CCSER2: variants seen among roughly 807,000 people sequenced by gnomAD.
CCSER2 encodes coiled-coil serine rich protein 2, also known as serine-rich coiled-coil domain-containing protein 2.
A neutral mutation model predicts 92.3 loss-of-function variants in CCSER2; 46 were observed. The ratio of observed to expected loss-of-function variants is 0.50; its 90% confidence interval spans 0.39 to 0.64. The LOEUF is 0.64. CCSER2 is among the 30% of genes least tolerant of loss of function. CCSER2 has a pLI of 0.00. For missense variants in CCSER2, 1,244 were observed against 1,238.9 expected (o/e 1.00, Z -0.06); for synonymous variants, 433 against 431.4 (o/e 1.00, Z -0.04).
At chr10:84,415,909 C>T (rs752992790) in intron 3 of CCSER2, among the ~76,000 whole-genome samples, 54 of 152,144 alleles carry the variant, frequency 3.5e-4, no homozygotes, top group Non-Finnish European at 3.1e-4. Flanking sequence ...GCCTGCAGAT[C>T]GATGCTGCTT....
chr10:84,477,573 A>G lies in CCSER2; in HGVS notation c.2236-2A>G. ...ATGTAAAAATTTTGTGTTTTTGTTT[A>G]GGCAACTCAGCATATCTGCCACCAA... On this transcript the variant is annotated splice_acceptor_variant, in intron 8 of 9. Transcript: ENST00000372088. LOFTEE classifies it high-confidence loss of function. The G allele has an allele frequency of 2.5e-6, 4 of 1,595,112 alleles. No individual in the cohort carries two copies. The South Asian group carries it at 3.3e-5, about 13-fold the overall frequency.
intron 9 of CCSER2, among the ~76,000 whole-genome samples, chr10:84,496,986 A>T (rs1344628496): frequency 1.3e-5 from 2 of 152,204 alleles, no homozygotes; most frequent in African/African-American, 2.4e-5. Flanking sequence ...GTTCTATTAA[A>T]TGCTGATCAG....
chr10:84,403,130 A>G (rs1842205775), intron 3 of CCSER2, among the ~76,000 whole-genome samples: 1 of 152,054 alleles, frequency 6.6e-6, no homozygotes, highest in Non-Finnish European at 1.5e-5. Context: ...ATGGAACGGA[A>G]TAGAGAACCC....
intron 9 of CCSER2, among the ~76,000 whole-genome samples, chr10:84,481,957 G>C (rs536045905): frequency 6.6e-6 from 1 of 151,980 alleles, no homozygotes; most frequent in Admixed American, 6.6e-5. Context: ...TGAAGGAAGA[G>C]AATTTTAAAT....
chr10:84,484,920 C>G (rs1008386396), intron 9 of CCSER2, among the ~76,000 whole-genome samples: 8 of 151,926 alleles, frequency 5.3e-5, no homozygotes, highest in African/African-American at 1.7e-4. Context: ...CTTAAGGATA[C>G]GAACAAATTA....
At chr10:84,429,623 A>T (rs1353766759) in intron 5 of CCSER2, among the ~76,000 whole-genome samples, 1 of 36,924 alleles carries the variant, frequency 2.7e-5, no homozygotes, top group African/African-American at 1.1e-4. Flanking sequence ...CACCCCCCCC[A>T]GCTTTTTTTC....
chr10:84,442,563 A>T (rs1330561430), intron 6 of CCSER2, among the ~76,000 whole-genome samples: 1 of 152,184 alleles, frequency 6.6e-6, no homozygotes, highest in East Asian at 1.9e-4. Context: ...GTAAGAATGT[A>T]ATTTCTTTTT....
rs567636839 is a variant in CCSER2, at chr10:84,346,007, T to C, written c.-40+17199T>C. Among the ~76,000 whole-genome samples, 8 of 152,302 alleles carry C rather than the reference T, an allele frequency of 5.3e-5. No individual in the cohort carries two copies. In the South Asian group the frequency reaches 1.4e-3, roughly 28 times the overall value. ...AGTAGAGCTGCAATCATAAGAAAGA[T>C]TTTTCAGTGATATTTATTTCTTCAC... On this transcript the variant is annotated intron_variant, in intron 1 of 9. Transcript: ENST00000372088.
chr10:84,404,404 T>C (rs1842272847), intron 3 of CCSER2, among the ~76,000 whole-genome samples: 1 of 152,230 alleles, frequency 6.6e-6, no homozygotes, highest in African/African-American at 2.4e-5. Flanking sequence ...TTAAGTGTTG[T>C]TTAATATTGG....
chr10:84,399,712 T>C (rs895922738), intron 3 of CCSER2, among the ~76,000 whole-genome samples: 1 of 152,108 alleles, frequency 6.6e-6, no homozygotes, highest in Admixed American at 6.6e-5. Context: ...CTTCTAATAA[T>C]TGGCTGTTAT....
chr10:84,477,053 G>A (rs1847190678), intron 8 of CCSER2, among the ~76,000 whole-genome samples: 2 of 152,104 alleles, frequency 1.3e-5, no homozygotes, highest in African/African-American at 4.8e-5. Flanking sequence ...AAGAAACTGA[G>A]CTTTAGTGAC....
intron 3 of CCSER2, chr10:84,389,551 T>G (rs549584797): frequency 3.4e-4 from 87 of 254,416 alleles, no homozygotes; most frequent in Middle Eastern, 1.5e-3. Flanking sequence ...AGTGCAGATG[T>G]GGCATTGACT....
chr10:84,432,658 A>AT (rs1224342755), intron 5 of CCSER2, among the ~76,000 whole-genome samples: 1 of 152,092 alleles, frequency 6.6e-6, no homozygotes, highest in Non-Finnish European at 1.5e-5. Context: ...TTTGCAAATA[A>AT]TTTTTTCCAG....
intron 5 of CCSER2, among the ~76,000 whole-genome samples, chr10:84,427,360 A>G (rs1564651677): frequency 6.6e-6 from 1 of 152,190 alleles, no homozygotes; most frequent in East Asian, 1.9e-4. Context: ...GGGTGGTACA[A>G]AAAGAAACCT....
intron 4 of CCSER2, among the ~76,000 whole-genome samples, chr10:84,420,518 G>A (rs866098695): frequency 6.6e-6 from 1 of 152,076 alleles, no homozygotes; most frequent in South Asian, 2.1e-4. Flanking sequence ...TTTTTTGGCT[G>A]GGAGGATGAG....
chr10:84,444,958 T>A (rs931990962), intron 6 of CCSER2, among the ~76,000 whole-genome samples: 8 of 152,160 alleles, frequency 5.3e-5, no homozygotes, highest in African/African-American at 1.9e-4. Context: ...AGACTGAAAT[T>A]TAATTGTGCT....
Position 84,465,314 on chromosome 10 carries a change from ATTTTTTT to A in CCSER2, c.2148+1321_2148+1327del, listed in dbSNP as rs34510394. Among the ~76,000 whole-genome samples, 208 of 49,890 alleles carry A rather than the reference ATTTTTTT, an allele frequency of 4.2e-3. 14 individuals are homozygous for A. In the East Asian group the frequency reaches 0.1, roughly 25 times the overall value. 32.7% of individuals were successfully genotyped at this position (49,890 alleles called of 152,430 possible). ...GTGAAAAAGTTTTTTACATGTAAAG[ATTTTTTT>A]TTTTTTTTTTTTTTTTTTTTTTAGA... is the stretch of plus-strand genomic sequence containing the variant. On this transcript the variant is annotated intron_variant, in intron 7 of 9. Coordinates refer to ENST00000372088, the MANE Select transcript of CCSER2 (RefSeq NM_001284240.2).
At chr10:84,340,989 A>G (rs1166260468) in intron 1 of CCSER2, among the ~76,000 whole-genome samples, 1 of 152,006 alleles carries the variant, frequency 6.6e-6, no homozygotes, top group African/African-American at 2.4e-5. Flanking sequence ...AGAAGATAGG[A>G]AAGAAAAACA....
chr10:84,429,484 C>T (rs1360031936), intron 5 of CCSER2, among the ~76,000 whole-genome samples: 2 of 151,890 alleles, frequency 1.3e-5, no homozygotes, highest in African/African-American at 2.4e-5. Flanking sequence ...ATAGTTTTGC[C>T]AGATGTAGAC....
Sources: allele counts gnomAD v4.1 joint callset (sites outside exome capture counted in the v4.1 genomes callset), GRCh38; gene constraint gnomAD v4.1.1; transcripts MANE v1.5; gene names NCBI Gene and HGNC (gene_info 2026-07-23, HGNC 2026-07-21).